The following SOCS2 variants were observed in gnomAD, a reference collection of about 807,000 sequenced individuals.
SOCS2 encodes CIS-2.
In SOCS2, 10 loss-of-function variants were observed where a neutral mutation model predicts 18.6. The observed-to-expected ratio is 0.54, with a 90% CI of 0.33 to 0.91. The LOEUF is 0.91. SOCS2 is among the 40% of genes least tolerant of loss of function. The probability of loss-of-function intolerance (pLI) is 0.02; values close to 1 mark genes in which losing one functional copy is unlikely to be tolerated. For synonymous variants in SOCS2, 104 were observed against 104.0 expected (o/e 1.00, Z 0.00); for missense variants, 231 against 247.2 (o/e 0.93, Z 0.44).
chr12:93,625,488 T>C, the SOCS2 span, among the ~76,000 whole-genome samples: 1 of 151,978 alleles, frequency 6.6e-6, no homozygotes. Context: ...TGGCTCACAT[T>C]TGTAATCTCA....
chr12:93,602,632 C>A, the SOCS2 span, among the ~76,000 whole-genome samples: 2 of 152,096 alleles, frequency 1.3e-5, no homozygotes, highest in African/African-American at 4.8e-5. Context: ...CTTCACCAGG[C>A]CTTTCAGACC....
downstream of SOCS2, among the ~76,000 whole-genome samples, chr12:93,578,844 T>C (rs1954500547): frequency 6.6e-6 from 1 of 152,172 alleles, no homozygotes; most frequent in African/African-American, 2.4e-5. Flanking sequence ...TTTGCTTTCC[T>C]GCAAGTCCTA....
the SOCS2 span, among the ~76,000 whole-genome samples, chr12:93,618,879 A>G: frequency 2.0e-5 from 3 of 152,164 alleles, no homozygotes; most frequent in South Asian, 2.1e-4. Flanking sequence ...GCGTCTCACT[A>G]TGTTGCCCAG....
At chr12:93,571,959 G>T (rs1228873138), upstream of SOCS2, 2 of 330,548 alleles carry the variant, frequency 6.1e-6, no homozygotes, top group African/African-American at 2.3e-5. Context: ...CAGCGCTCGC[G>T]ACCGCCCGCT....
At chr12:93,601,601 G>A in the SOCS2 span, among the ~76,000 whole-genome samples, 6 of 152,144 alleles carry the variant, frequency 3.9e-5, no homozygotes, top group Admixed American at 6.5e-5. Flanking sequence ...GAGCCACAGC[G>A]CCTGGCCAAA....
the SOCS2 span, among the ~76,000 whole-genome samples, chr12:93,614,562 T>C: frequency 1.9e-5 from 1 of 51,982 alleles, no homozygotes; most frequent in African/African-American, 1.1e-4. Flanking sequence ...TTTCTTTCTT[T>C]CTTTCTTTCT....
chr12:93,586,811 A>G (rs1000595716), downstream of SOCS2, among the ~76,000 whole-genome samples: 2 of 152,094 alleles, frequency 1.3e-5, no homozygotes, highest in Non-Finnish European at 1.5e-5. Flanking sequence ...CACTCATTCA[A>G]TAAATATTTA....
chr12:93,617,278 G>A, the SOCS2 span, among the ~76,000 whole-genome samples: 2 of 152,098 alleles, frequency 1.3e-5, no homozygotes, highest in Admixed American at 6.6e-5. Flanking sequence ...GCTTTCTCCT[G>A]ATTTCCCCCT....
the SOCS2 span, among the ~76,000 whole-genome samples, chr12:93,600,151 A>C: frequency 6.6e-6 from 1 of 152,240 alleles, no homozygotes; most frequent in Non-Finnish European, 1.5e-5. Flanking sequence ...AAAAATTAAT[A>C]AATGGAGATA....
At chr12:93,619,385 G>A in the SOCS2 span, among the ~76,000 whole-genome samples, 286 of 152,288 alleles carry the variant, frequency 1.9e-3, no homozygotes, top group African/African-American at 6.3e-3. Context: ...CACAGGGCAG[G>A]ATCGGAGCAA....
the SOCS2 span, among the ~76,000 whole-genome samples, chr12:93,610,849 G>C: frequency 3.9e-5 from 6 of 152,122 alleles, no homozygotes; most frequent in Non-Finnish European, 7.4e-5. Context: ...GAAACTATGA[G>C]CAATGAATTT....
chr12:93,589,264 A>C, the SOCS2 span, among the ~76,000 whole-genome samples: 1 of 152,244 alleles, frequency 6.6e-6, no homozygotes, highest in South Asian at 2.1e-4. Context: ...CATGACTGAT[A>C]GATTTCAAAG....
At chr12:93,609,405 GTAAA>G in the SOCS2 span, among the ~76,000 whole-genome samples, 4 of 151,358 alleles carry the variant, frequency 2.6e-5, no homozygotes, top group Non-Finnish European at 4.4e-5. Context: ...AAATAAATAA[GTAAA>G]TAAATAAATA....
chr12:93,619,791 C>G, the SOCS2 span, among the ~76,000 whole-genome samples: 1 of 152,172 alleles, frequency 6.6e-6, no homozygotes, highest in Non-Finnish European at 1.5e-5. Context: ...GAACCTGCAT[C>G]CCTCCCATTC....
chr12:93,599,171 C>CTTTT, the SOCS2 span, among the ~76,000 whole-genome samples: 268 of 122,292 alleles, frequency 2.2e-3, 6 homozygotes, highest in East Asian at 6.5e-3. Flanking sequence ...TGCTGTTTGT[C>CTTTT]TTTTTTTTTT....
chr12:93,619,456 G>T, the SOCS2 span, among the ~76,000 whole-genome samples: 12 of 152,300 alleles, frequency 7.9e-5, no homozygotes, highest in Non-Finnish European at 1.6e-4. Flanking sequence ...CTGATTAAAT[G>T]AATGGTTGAT....
chr12:93,578,313 G>A (rs1954493881), downstream of SOCS2, among the ~76,000 whole-genome samples: 1 of 152,126 alleles, frequency 6.6e-6, no homozygotes, highest in Non-Finnish European at 1.5e-5. Flanking sequence ...TTAGAAAATT[G>A]TACCCTGTTA....
chr12:93,578,239 T>C (rs545748120), downstream of SOCS2, among the ~76,000 whole-genome samples: 2 of 152,338 alleles, frequency 1.3e-5, no homozygotes, highest in African/African-American at 2.4e-5. Flanking sequence ...GTAATCCAAA[T>C]AGGTAACAGA....
At chr12:93,612,627 A>G in the SOCS2 span, among the ~76,000 whole-genome samples, 1 of 152,210 alleles carries the variant, frequency 6.6e-6, no homozygotes, top group Non-Finnish European at 1.5e-5. Flanking sequence ...AACTTGTGCC[A>G]TGGTACTCCC....
Sources: allele counts gnomAD v4.1 joint callset (sites outside exome capture counted in the v4.1 genomes callset), GRCh38; gene constraint gnomAD v4.1.1; transcripts MANE v1.5; gene names NCBI Gene and HGNC (gene_info 2026-07-23, HGNC 2026-07-21).